Variants in RANBP17 observed in about 807,000 individuals in gnomAD.
RANBP17 encodes RAN binding protein 17.
A neutral mutation model predicts 141.2 loss-of-function variants in RANBP17; 158 were observed. The ratio of observed to expected loss-of-function variants is 1.12; its 90% CI spans 0.98 to 1.28. The LOEUF is 1.28. RANBP17 is among the 50% of genes most tolerant of loss of function. The pLI is 0.00. For synonymous variants in RANBP17, 430 were observed against 450.0 expected (o/e 0.96, Z 0.56); for missense variants, 1,438 against 1,290.7 (o/e 1.11, Z -1.75).
chr5:171,097,297 G>A (rs1339712200), intron 14 of RANBP17, among the ~76,000 whole-genome samples: 2 of 152,056 alleles, frequency 1.3e-5, no homozygotes, highest in East Asian at 3.8e-4. Context: ...AGGAGAAGTT[G>A]GAAAGCAAAT....
rs368662488 is a variant in RANBP17, at chr5:171,148,765, A to G, written c.1711-21365A>G. Among the ~76,000 whole-genome samples the G allele has an allele frequency of 3.3e-5, 5 of 152,114 alleles. No homozygotes were observed. In the South Asian group the frequency reaches 8.3e-4, roughly 25 times the overall value. Reference sequence around the variant, plus strand: ...AGACACATAACTTCTCTGGGTCTCAATTTCTTTTGTGGTAAATTGTGATGT... The same window carrying G: ...AGACACATAACTTCTCTGGGTCTCAGTTTCTTTTGTGGTAAATTGTGATGT... On this transcript the variant is annotated intron_variant, in intron 14 of 27. Coordinates refer to ENST00000523189, the MANE Select transcript of RANBP17 (RefSeq NM_022897.5).
intron 14 of RANBP17, among the ~76,000 whole-genome samples, chr5:171,101,779 G>C (rs1787183177): frequency 6.6e-6 from 1 of 152,168 alleles, no homozygotes; most frequent in Admixed American, 6.5e-5. Flanking sequence ...GTTCTTGTAA[G>C]GCAGGCCTAG....
intron 3 of RANBP17, among the ~76,000 whole-genome samples, chr5:170,888,289 A>G (rs1769320835): frequency 6.6e-6 from 1 of 152,222 alleles, no homozygotes; most frequent in African/African-American, 2.4e-5. Flanking sequence ...TTGAATCTTT[A>G]GATATAGTTG....
intron 12 of RANBP17, among the ~76,000 whole-genome samples, chr5:170,949,084 G>C (rs1466588698): frequency 6.6e-6 from 1 of 152,188 alleles, no homozygotes; most frequent in East Asian, 1.9e-4. Context: ...AGAGGCTGCA[G>C]TGAGCTATGA....
intron 19 of RANBP17, among the ~76,000 whole-genome samples, chr5:171,203,988 T>G (rs1456970188): frequency 1.3e-5 from 2 of 151,606 alleles, no homozygotes; most frequent in Non-Finnish European, 2.9e-5. Flanking sequence ...CTTCCAGGAG[T>G]GTGAAAAGCT....
At chr5:170,923,242 C>T (rs1772623489) in intron 11 of RANBP17, among the ~76,000 whole-genome samples, 2 of 152,136 alleles carry the variant, frequency 1.3e-5, no homozygotes, top group Admixed American at 6.5e-5. Flanking sequence ...GTTATTTCAA[C>T]ATCATTTGTG....
chr5:171,148,440 T>C (rs911994912), intron 14 of RANBP17, among the ~76,000 whole-genome samples: 1 of 152,132 alleles, frequency 6.6e-6, no homozygotes, highest in Non-Finnish European at 1.5e-5. Context: ...ATGACTTTAA[T>C]TAATAGAACC....
intron 13 of RANBP17, among the ~76,000 whole-genome samples, chr5:170,966,257 C>A (rs1776553692): frequency 6.6e-6 from 1 of 151,990 alleles, no homozygotes; most frequent in Non-Finnish European, 1.5e-5. Context: ...GAATTTTAGA[C>A]CAATATCCTT....
chr5:171,219,378 T>C (rs1469315629), intron 21 of RANBP17, among the ~76,000 whole-genome samples: 1 of 152,176 alleles, frequency 6.6e-6, no homozygotes, highest in Non-Finnish European at 1.5e-5. Context: ...CTCAGGTTGC[T>C]CTTCTCAAGG....
intron 14 of RANBP17, among the ~76,000 whole-genome samples, chr5:171,013,961 G>A (rs868339041): frequency 4.0e-5 from 6 of 151,816 alleles, no homozygotes; most frequent in Middle Eastern, 3.4e-3. Context: ...CTCTTACTAT[G>A]GATTTATCTT....
chr5:171,193,609 G>A (rs1003409524), intron 18 of RANBP17, among the ~76,000 whole-genome samples: 1 of 152,178 alleles, frequency 6.6e-6, no homozygotes, highest in East Asian at 1.9e-4. Flanking sequence ...TAAAATCAAG[G>A]TGTCAGCAGG....
At chr5:171,024,137 T>C (rs1377692314) in intron 14 of RANBP17, among the ~76,000 whole-genome samples, 2 of 152,134 alleles carry the variant, frequency 1.3e-5, no homozygotes, top group South Asian at 2.1e-4. Flanking sequence ...TTGCATTCCA[T>C]TGGAATCAGA....
chr5:171,230,597 C>G (rs1446468060), intron 22 of RANBP17, among the ~76,000 whole-genome samples: 2 of 152,064 alleles, frequency 1.3e-5, no homozygotes, highest in Non-Finnish European at 2.9e-5. Flanking sequence ...CCCATCTCTA[C>G]TGAAAATACA....
intron 14 of RANBP17, among the ~76,000 whole-genome samples, chr5:171,029,725 A>G (rs1299197318): frequency 6.6e-6 from 1 of 151,986 alleles, no homozygotes; most frequent in Non-Finnish European, 1.5e-5. Flanking sequence ...CTATGAGGCT[A>G]TTTTCTGGAC....
chr5:170,940,805 C>T (rs187202665), intron 12 of RANBP17, among the ~76,000 whole-genome samples: 106 of 151,958 alleles, frequency 7.0e-4, no homozygotes, highest in African/African-American at 2.4e-3. Context: ...CAGTTTTCTC[C>T]AGGGCACATG....
chr5:170,966,393 G>A (rs1289391372), intron 13 of RANBP17, among the ~76,000 whole-genome samples: 14 of 151,986 alleles, frequency 9.2e-5, no homozygotes, highest in South Asian at 2.1e-4. Context: ...TTCAATATAC[G>A]CAAATCAATA....
intron 14 of RANBP17, among the ~76,000 whole-genome samples, chr5:171,138,327 A>C (rs879695240): frequency 2.0e-5 from 3 of 152,198 alleles, no homozygotes; most frequent in African/African-American, 4.8e-5. Context: ...TGCTAGGAAA[A>C]AAGGAACATG....
At chr5:171,179,754 A>C (rs1760761033) in intron 16 of RANBP17, among the ~76,000 whole-genome samples, 1 of 152,064 alleles carries the variant, frequency 6.6e-6, no homozygotes, top group Non-Finnish European at 1.5e-5. Flanking sequence ...TACATATTAT[A>C]GTGGTTTTTT....
chr5:171,076,634 G>C lies in RANBP17; in HGVS notation c.1711-93496G>C, dbSNP rs919859809. Among the ~76,000 whole-genome samples, 29 of 152,300 alleles carry C rather than the reference G, an allele frequency of 1.9e-4. No homozygotes were observed. The East Asian group carries it at 4.2e-3, about 22-fold the overall frequency. Reference sequence around the variant, plus strand: ...AGATGTCGAAAACTACTAGGTTTGGGTCAAAAAGATTCAGGATAAGCTGAA... The same window carrying C: ...AGATGTCGAAAACTACTAGGTTTGGCTCAAAAAGATTCAGGATAAGCTGAA... On this transcript the variant is annotated intron_variant, in intron 14 of 27. Coordinates refer to ENST00000523189, the MANE Select transcript of RANBP17 (RefSeq NM_022897.5).
Sources: gnomAD v4.1 joint callset for allele counts (sites outside exome capture counted in the v4.1 genomes callset) on GRCh38, gnomAD v4.1.1 for gene constraint, MANE v1.5 for transcripts, NCBI Gene and HGNC (gene_info 2026-07-23, HGNC 2026-07-21) for gene names.